METTL21A: variants seen among roughly 807,000 people sequenced by gnomAD.
METTL21A encodes methyltransferase 21A, HSPA lysine.
In METTL21A, 22 loss-of-function variants were observed where a neutral mutation model predicts 20.9. That is an observed-to-expected ratio of 1.05 (90% CI 0.75 to 1.50). The LOEUF (loss-of-function observed/expected upper bound fraction) is 1.50. Among genes scored for constraint, METTL21A ranks in the 40% most tolerant of loss-of-function variants. The probability of loss-of-function intolerance (pLI) is 0.00; values close to 1 mark genes in which losing one functional copy is unlikely to be tolerated. For synonymous variants in METTL21A, 93 were observed against 102.0 expected (o/e 0.91, Z 0.53); for missense variants, 271 against 266.8 (o/e 1.02, Z -0.11).
At chr2:207,606,946 C>T (rs932611414), downstream of METTL21A, among the ~76,000 whole-genome samples, 3 of 151,874 alleles carry the variant, frequency 2.0e-5, no homozygotes, top group African/African-American at 7.3e-5. Flanking sequence ...CTTTAATATC[C>T]CTGAGAATTT....
chr2:207,603,868 T>C (rs2106677682), intron 3 of METTL21A, among the ~76,000 whole-genome samples: 1 of 152,322 alleles, frequency 6.6e-6, no homozygotes, highest in Non-Finnish European at 1.5e-5. Flanking sequence ...AGTTATCTCC[T>C]ATACTATTAA....
In METTL21A at chr2:207,617,836, T is replaced by C. The variant is rs1022456918; in HGVS notation, c.259+3970A>G. Among the ~76,000 whole-genome samples the C allele has an allele frequency of 2.6e-5, 4 of 151,456 alleles. 1 individual carries two copies. In the South Asian group the frequency reaches 6.3e-4, roughly 24 times the overall value. On this transcript the variant is annotated intron_variant, in intron 3 of 3. Transcript: ENST00000406927. ...GACAGAGAGAGACAGATCCAGGAAA[T>C]AGTTAAAAGACGGAATCAGTGGGAC... is the stretch of plus-strand genomic sequence containing the variant.
At chr2:207,581,206 T>A (rs2082916294), downstream of METTL21A, 1 of 205,674 alleles carries the variant, frequency 4.9e-6, no homozygotes, top group South Asian at 1.9e-4. Context: ...TTTTAACAAA[T>A]AATGTCAGAA....
chr2:207,607,042 A>G (rs371277381), downstream of METTL21A, among the ~76,000 whole-genome samples: 7 of 152,244 alleles, frequency 4.6e-5, no homozygotes, highest in African/African-American at 1.7e-4. Context: ...TGTATTTTTC[A>G]TGAGTCAGTG....
At chr2:207,622,685 G>A (rs1339260780) in intron 2 of METTL21A, among the ~76,000 whole-genome samples, 1 of 152,218 alleles carries the variant, frequency 6.6e-6, no homozygotes, top group Admixed American at 6.5e-5. Flanking sequence ...CCCCACAGGG[G>A]CCCTCACCAT....
chr2:207,616,142 T>TG (rs2089709160), intron 3 of METTL21A, among the ~76,000 whole-genome samples: 1 of 152,018 alleles, frequency 6.6e-6, no homozygotes, highest in African/African-American at 2.4e-5. Flanking sequence ...GTCATGCCAC[T>TG]GCACTCCAGC....
At chr2:207,614,677 T>G (rs540765769) in intron 3 of METTL21A, among the ~76,000 whole-genome samples, 25 of 152,284 alleles carry the variant, frequency 1.6e-4, no homozygotes, top group Middle Eastern at 6.8e-3. Context: ...AACTAAACTG[T>G]TTCTTATGGG....
At chr2:207,609,595 CTTA>C (rs2088630089), downstream of METTL21A, 1 of 152,052 alleles carries the variant, frequency 6.6e-6, no homozygotes, top group Non-Finnish European at 1.5e-5. Flanking sequence ...ACAAAAGGAG[CTTA>C]TATGTAGGAA....
intron 3 of METTL21A, among the ~76,000 whole-genome samples, chr2:207,588,262 C>T (rs966540668): frequency 5.9e-5 from 9 of 152,100 alleles, no homozygotes; most frequent in Non-Finnish European, 7.4e-5. Context: ...TATATAGGAA[C>T]ATCCATTTGT....
At chr2:207,588,020 A>G (rs139344834) in intron 3 of METTL21A, among the ~76,000 whole-genome samples, 1 of 152,374 alleles carries the variant, frequency 6.6e-6, no homozygotes, top group African/African-American at 2.4e-5. Context: ...TGATCATTAC[A>G]TACTGTATAC....
intron 3 of METTL21A, chr2:207,583,025 G>GA (rs2083217994): frequency 6.5e-6 from 1 of 153,026 alleles, no homozygotes; most frequent in Non-Finnish European, 1.5e-5. Flanking sequence ...CCACATTCAA[G>GA]AAAAAAAGTA....
At chr2:207,580,798 G>A (rs1029270212), downstream of METTL21A, 3 of 224,022 alleles carry the variant, frequency 1.3e-5, no homozygotes, top group Non-Finnish European at 2.7e-5. Flanking sequence ...GGCAGCTGCA[G>A]GTCAGTTGCT....
At chr2:207,598,028 A>T (rs1049863572) in intron 3 of METTL21A, 2 of 181,994 alleles carry the variant, frequency 1.1e-5, no homozygotes, top group African/African-American at 4.7e-5. Flanking sequence ...CTTACATACC[A>T]CCACCAAGAA....
At chr2:207,601,800 G>A in intron 3 of METTL21A, 1 of 218,676 alleles carries the variant, frequency 4.6e-6, no homozygotes, top group East Asian at 6.7e-5. Flanking sequence ...AAGGCTGTAG[G>A]TGAAGAGTTG....
intron 3 of METTL21A, among the ~76,000 whole-genome samples, chr2:207,585,493 T>C (rs1333908546): frequency 1.3e-5 from 2 of 152,038 alleles, no homozygotes; most frequent in Non-Finnish European, 2.9e-5. Context: ...TGCACAGATA[T>C]CAAGATAAGG....
downstream of METTL21A, chr2:207,581,589 G>C (rs2082964206): frequency 3.3e-6 from 1 of 306,600 alleles, no homozygotes; most frequent in Non-Finnish European, 6.0e-6. Context: ...CAGTACAAAG[G>C]TAAATATACA....
intron 3 of METTL21A, chr2:207,620,772 G>T: frequency 1.5e-6 from 2 of 1,357,188 alleles, no homozygotes; most frequent in Non-Finnish European, 2.0e-6. Context: ...GCTCCCTGTC[G>T]AATTTTGGAA....
chr2:207,585,591 A>G (rs2106634690), intron 3 of METTL21A, among the ~76,000 whole-genome samples: 1 of 152,342 alleles, frequency 6.6e-6, no homozygotes, highest in Admixed American at 6.5e-5. Context: ...GAACCAGGTA[A>G]TCAATAAAAT....
intron 3 of METTL21A, among the ~76,000 whole-genome samples, chr2:207,587,166 G>C (rs2084004095): frequency 6.6e-6 from 1 of 152,110 alleles, no homozygotes; most frequent in Admixed American, 6.5e-5. Context: ...GGCCAAGGCG[G>C]GTGGATCACA....
Sources: allele counts gnomAD v4.1 joint callset (sites outside exome capture counted in the v4.1 genomes callset), GRCh38; gene constraint gnomAD v4.1.1; transcripts MANE v1.5; gene names NCBI Gene and HGNC (gene_info 2026-07-23, HGNC 2026-07-21).